The following SETDB2 variants were observed in gnomAD, a reference collection of about 807,000 sequenced individuals.
SETDB2 encodes the protein SET domain bifurcated histone lysine methyltransferase 2, also known as histone-lysine N-methyltransferase SETDB2.
Under a neutral mutation model 82.5 loss-of-function variants are expected in SETDB2, and 56 were observed. The observed-to-expected ratio is 0.68, with a 90% CI of 0.55 to 0.85. The LOEUF (loss-of-function observed/expected upper bound fraction) is 0.85. Ranked by LOEUF, SETDB2 falls within the 40% of genes least tolerant of loss-of-function variation. The probability of loss-of-function intolerance (pLI) is 0.00; values close to 1 mark genes in which losing one functional copy is unlikely to be tolerated. For synonymous variants in SETDB2, 272 were observed against 284.9 expected (o/e 0.95, Z 0.46); for missense variants, 677 against 816.4 (o/e 0.83, Z 2.08).
intron 7 of SETDB2, 69 bp downstream of exon 7, chr13:49,480,404 C>T (rs1958454654): frequency 1.1e-6 from 1 of 897,120 alleles, no homozygotes; most frequent in Non-Finnish European, 1.7e-6. Flanking sequence ...TATTGTGGTC[C>T]AAAATCTTAT....
chr13:49,485,389 A>C (rs1958578054), intron 10 of SETDB2, among the ~76,000 whole-genome samples: 1 of 152,238 alleles, frequency 6.6e-6, no homozygotes, highest in Non-Finnish European at 1.5e-5. Flanking sequence ...TTCCCAAAGA[A>C]TTTCTTGACA....
At chr13:49,488,097 C>T (rs1239772329) in intron 11 of SETDB2, 193 bp from the exon 12 acceptor site, 6 of 418,590 alleles carry the variant, frequency 1.4e-5, no homozygotes, top group East Asian at 3.2e-4. Flanking sequence ...CCCCAGTTCT[C>T]GTTATTGTGG....
Position 49,485,687 on chromosome 13 carries a change from C to T in SETDB2, c.1540C>T (p.Arg514Ter), listed in dbSNP as rs1386222074. 7 of 1,613,922 alleles carry T rather than the reference C, an allele frequency of 4.3e-6. No individual in the cohort carries two copies. The highest frequency in any genetic ancestry group is 2.2e-5 in the East Asian group (1 of 44,894). The part of the protein sequence containing the change: ...PEDNDGFKPP[R>*]EHLNSKTKGA... ...AGATAATGATGGATTTAAACCACCCCGAGAGCATCTGAACTCTAAAACCAA... is the reference window on the plus strand; with the variant it reads ...AGATAATGATGGATTTAAACCACCCTGAGAGCATCTGAACTCTAAAACCAA... The change falls in exon 11 of 14, where the codon CGA becomes TGA. Residue 514 changes from arginine to a stop codon, truncating the protein, a stop_gained. Coordinates refer to ENST00000611815, the MANE Select transcript of SETDB2 (RefSeq NM_001160308.3). LOFTEE classifies it high-confidence loss of function.
intron 5 of SETDB2, among the ~76,000 whole-genome samples, chr13:49,469,670 A>G (rs1046757971): frequency 9.2e-5 from 14 of 152,152 alleles, no homozygotes; most frequent in Non-Finnish European, 1.8e-4. Flanking sequence ...CAAAGAAAAA[A>G]TCAGGGCAGT....
At chr13:49,451,963 A>G (rs1957793583) in intron 2 of SETDB2, 54 bp downstream of exon 2, 1 of 1,315,116 alleles carries the variant, frequency 7.6e-7, no homozygotes, top group Middle Eastern at 1.9e-4. Context: ...AAAAGTATAT[A>G]GACAATGTAA....
At chr13:49,465,966 A>C (rs2138881926) in intron 4 of SETDB2, among the ~76,000 whole-genome samples, 1 of 152,334 alleles carries the variant, frequency 6.6e-6, no homozygotes, top group South Asian at 2.1e-4. Flanking sequence ...TTATATAGGC[A>C]AAACAGAGGT....
At chr13:49,467,230 A>G (rs1480859575) in intron 4 of SETDB2, among the ~76,000 whole-genome samples, 1 of 152,046 alleles carries the variant, frequency 6.6e-6, no homozygotes, top group Non-Finnish European at 1.5e-5. Context: ...TCCTGTCTCT[A>G]CTAAAACTAC....
At position 49,460,189 on chromosome 13, in the gene SETDB2, G is replaced by T; in HGVS notation, c.99G>T (p.Gln33His). ...FIFEQVQNVL[Q>H]SLKQKIKDGS... Reference sequence around the variant, plus strand: ...TTGAACAAGTACAAAATGTGCTGCAGTCACTGAAACAAAAGATCAAAGATG... The same window carrying T: ...TTGAACAAGTACAAAATGTGCTGCATTCACTGAAACAAAAGATCAAAGATG... Residue 33 changes from glutamine to histidine, a missense_variant, in exon 3 of 14, where the codon CAG becomes CAT. Transcript: ENST00000611815. The T allele has an allele frequency of 6.2e-7, 1 of 1,613,228 alleles. No individual in the cohort carries two copies. The highest frequency in any genetic ancestry group is 8.5e-7 in the Non-Finnish European group (1 of 1,179,564).
intron 2 of SETDB2, among the ~76,000 whole-genome samples, chr13:49,457,121 A>C (rs1196328737): frequency 6.6e-6 from 1 of 151,852 alleles, no homozygotes; most frequent in African/African-American, 2.4e-5. Flanking sequence ...AATCATTTCC[A>C]AGATTGATCA....
At chr13:49,478,317 A>G (rs985527123) in intron 6 of SETDB2, among the ~76,000 whole-genome samples, 1 of 152,222 alleles carries the variant, frequency 6.6e-6, no homozygotes, top group African/African-American at 2.4e-5. Context: ...AAAGGAATAG[A>G]AACAGGTACC....
chr13:49,462,919 A>G (rs779231396), intron 4 of SETDB2, among the ~76,000 whole-genome samples: 11 of 152,154 alleles, frequency 7.2e-5, no homozygotes, highest in Non-Finnish European at 1.5e-4. Context: ...GGGAGGAAAA[A>G]TTTTATCTCA....
chr13:49,490,822 C>G lies in SETDB2; in HGVS notation c.1918C>G (p.His640Asp). The change falls in exon 13 of 14, where the codon CAT becomes GAT. Residue 640 changes from histidine (H) to aspartate (D), a missense_variant and splice_region_variant. Physicochemically the swap from His to Asp is moderately conservative, Grantham distance 81. Around this residue, in one of 3 missense-constraint regions of SETDB2, gnomAD observed 420 missense variants for 554.6 expected, o/e 0.76. Coordinates refer to ENST00000611815, the MANE Select transcript of SETDB2 (RefSeq NM_001160308.3). ...KEGNVGRFLN[H>D]SCCPNLLVQN... The stretch of plus-strand genomic sequence containing the variant: ...CTTTGTGTTTATTTTTATTTAACAG[C>G]ATAGTTGTTGCCCAAATCTCTTGGT... 1 of 1,605,320 alleles carries G rather than the reference C, an allele frequency of 6.2e-7. No homozygotes were observed. The highest frequency in any genetic ancestry group is 8.5e-7 in the Non-Finnish European group (1 of 1,174,126).
Position 49,493,807 on chromosome 13 carries a change from G to C in SETDB2, c.*1958G>C, listed in dbSNP as rs1409963915. 1 of 152,064 alleles carries C rather than the reference G, an allele frequency of 6.6e-6. No homozygotes were observed. The highest frequency in any genetic ancestry group is 2.4e-5 in the African/African-American group (1 of 41,406). 9.4% of individuals were successfully genotyped at this position (152,064 alleles called of 1,614,324 possible). On this transcript the variant is annotated 3_prime_UTR_variant, in exon 14 of 14. Transcript: ENST00000611815. ...TGAAAATCTGTCTTCTGGCTTCCAG[G>C]GTGACTACTGGAAATTGAATGCCAT...
intron 2 of SETDB2, among the ~76,000 whole-genome samples, chr13:49,457,665 G>A (rs1405597017): frequency 6.6e-6 from 1 of 151,692 alleles, no homozygotes; most frequent in African/African-American, 2.4e-5. Flanking sequence ...CAAACTCCTG[G>A]CCTCAAGTGA....
At chr13:49,451,336 T>C (rs143742858) in intron 1 of SETDB2, among the ~76,000 whole-genome samples, 1,912 of 151,160 alleles carry the variant, frequency 0.013, 20 homozygotes, top group Middle Eastern at 0.042. Context: ...ATATGGGTGA[T>C]AGGATTGGGT....
rs759430953 is a variant in SETDB2 at position 49,476,966 on chromosome 13, C to G, written c.796C>G (p.Arg266Gly). ...QFKYRKTVWP[R>G]AYNLTNFSSM... ...TAAGTACAGAAAGACTGTGTGGCCTCGAGCATATAATCTAACCAACTTTTC... is the reference window on the plus strand; with the variant it reads ...TAAGTACAGAAAGACTGTGTGGCCTGGAGCATATAATCTAACCAACTTTTC... Residue 266 changes from arginine to glycine, a missense_variant, in exon 6 of 14, where the codon CGA becomes GGA. Physicochemically the swap from Arg to Gly is moderately radical, Grantham distance 125. This residue lies in a region of SETDB2 where 420 missense variants were observed against 554.6 expected (regional missense o/e 0.76). Coordinates refer to ENST00000611815, the MANE Select transcript of SETDB2 (RefSeq NM_001160308.3). The G allele has an allele frequency of 7.4e-6, 12 of 1,613,764 alleles. No individual in the cohort carries two copies. The highest frequency in any genetic ancestry group is 8.5e-6 in the Non-Finnish European group (10 of 1,179,992).
At chr13:49,463,795 C>T (rs957901666) in intron 4 of SETDB2, among the ~76,000 whole-genome samples, 3 of 152,114 alleles carry the variant, frequency 2.0e-5, no homozygotes, top group African/African-American at 7.2e-5. Context: ...TACACTCATA[C>T]CATAAGAGAA....
At chr13:49,474,498 A>G (rs1958316310) in intron 5 of SETDB2, among the ~76,000 whole-genome samples, 1 of 152,252 alleles carries the variant, frequency 6.6e-6, no homozygotes, top group African/African-American at 2.4e-5. Context: ...CTGCAACAGT[A>G]TCTAACAGTA....
chr13:49,470,378 C>T (rs990507945), intron 5 of SETDB2, among the ~76,000 whole-genome samples: 4 of 152,168 alleles, frequency 2.6e-5, no homozygotes, highest in African/African-American at 4.8e-5. Flanking sequence ...GCATTTCATT[C>T]TTGACTGGAA....
Sources: gnomAD v4.1 joint callset for allele counts (sites outside exome capture counted in the v4.1 genomes callset) on GRCh38, gnomAD v4.1.1 for gene constraint, gnomAD v4.1.1 regional missense constraint, MANE v1.5 for transcripts, NCBI Gene and HGNC (gene_info 2026-07-23, HGNC 2026-07-21) for gene names.